ANAPC10: variants seen among roughly 807,000 people sequenced by gnomAD.
ANAPC10 encodes anaphase promoting complex subunit 10, also known as anaphase-promoting complex subunit 10.
A neutral mutation model predicts 22.0 loss-of-function variants in ANAPC10; 12 were observed. The ratio of observed to expected loss-of-function variants is 0.55; its 90% CI spans 0.35 to 0.88. ANAPC10 has a LOEUF of 0.88. Ranked by LOEUF, ANAPC10 falls within the 40% of genes least tolerant of loss-of-function variation. The pLI is 0.01. For missense variants in ANAPC10, 188 were observed against 220.9 expected (o/e 0.85, Z 0.94); for synonymous variants, 65 against 69.5 (o/e 0.94, Z 0.32).
chr4:145,017,215 C>A (rs930107845), intron 4 of ANAPC10, among the ~76,000 whole-genome samples: 7 of 152,042 alleles, frequency 4.6e-5, no homozygotes, highest in Admixed American at 2.0e-4. Flanking sequence ...TTTTTGCAAT[C>A]TACTCATCTG....
At chr4:145,010,840 A>C (rs1734188212) in intron 4 of ANAPC10, among the ~76,000 whole-genome samples, 1 of 152,048 alleles carries the variant, frequency 6.6e-6, no homozygotes, top group African/African-American at 2.4e-5. Context: ...TAAATAAATA[A>C]ATCGCTTGAT....
At chr4:145,028,704 T>A (rs373329577) in intron 4 of ANAPC10, among the ~76,000 whole-genome samples, 6 of 152,132 alleles carry the variant, frequency 3.9e-5, no homozygotes, top group Admixed American at 3.9e-4. Flanking sequence ...TTTAGAGAGT[T>A]ATGCAAAATA....
intron 3 of ANAPC10, among the ~76,000 whole-genome samples, chr4:145,067,075 G>A (rs1016066219): frequency 1.3e-5 from 2 of 152,064 alleles, no homozygotes; most frequent in African/African-American, 4.8e-5. Context: ...ATTTGCATAG[G>A]AAACTGTGAC....
chr4:145,078,273 CA>C (rs1172520879), intron 3 of ANAPC10, among the ~76,000 whole-genome samples: 2 of 150,902 alleles, frequency 1.3e-5, no homozygotes, highest in African/African-American at 4.9e-5. Context: ...CCACTCAAAA[CA>C]GCCACAAAAA....
intron 1 of ANAPC10, chr4:145,097,667 T>A: frequency 1.8e-6 from 1 of 549,056 alleles, no homozygotes; most frequent in Non-Finnish European, 3.1e-6. Context: ...TAGGTTCAGT[T>A]ATGAACTAGT....
intron 1 of ANAPC10, chr4:145,097,223 A>C (rs750870702): frequency 9.2e-6 from 3 of 327,500 alleles, no homozygotes; most frequent in Admixed American, 4.2e-5. Flanking sequence ...AAATAAGAAA[A>C]AAATGTTAAA....
chr4:145,006,360 C>T (rs570185652), intron 4 of ANAPC10, among the ~76,000 whole-genome samples: 1 of 152,046 alleles, frequency 6.6e-6, no homozygotes, highest in South Asian at 2.1e-4. Flanking sequence ...TGGGCAGATC[C>T]CTTTACCTTC....
At chr4:145,020,784 A>G (rs923118920) in intron 4 of ANAPC10, among the ~76,000 whole-genome samples, 3 of 152,012 alleles carry the variant, frequency 2.0e-5, no homozygotes, top group Admixed American at 1.3e-4. Context: ...CCATACACCA[A>G]CAGCAACCAA....
chr4:145,029,663 C>T (rs1462099360), intron 4 of ANAPC10, among the ~76,000 whole-genome samples: 1 of 152,058 alleles, frequency 6.6e-6, no homozygotes, highest in African/African-American at 2.4e-5. Context: ...AGGTTATTTC[C>T]TTGGTTAGCT....
intron 4 of ANAPC10, among the ~76,000 whole-genome samples, chr4:145,060,302 C>G (rs890609968): frequency 6.6e-6 from 1 of 151,830 alleles, no homozygotes; most frequent in Non-Finnish European, 1.5e-5. Context: ...AATTTAAGTC[C>G]TCAGGTATAG....
intron 4 of ANAPC10, among the ~76,000 whole-genome samples, chr4:145,009,694 TG>T (rs1733988680): frequency 6.6e-6 from 1 of 152,176 alleles, no homozygotes; most frequent in African/African-American, 2.4e-5. Context: ...AAGACTTAAA[TG>T]TTAGACCTAA....
At position 145,020,326 on chromosome 4, in the gene ANAPC10, C is replaced by T. The variant is rs868244689; in HGVS notation, c.328-24723G>A. On this transcript the variant is annotated intron_variant, in intron 4 of 4. Transcript: ENST00000507656. ...ATACACCACATAAACAGAATGAAAA[C>T]AAAAATCACATGATCATCTCACCAG... Among the ~76,000 whole-genome samples, 6 of 152,118 alleles carry T rather than the reference C, an allele frequency of 3.9e-5. 1 individual carries two copies. The highest frequency in any genetic ancestry group is 7.2e-5 in the African/African-American group (3 of 41,540).
intron 3 of ANAPC10, among the ~76,000 whole-genome samples, chr4:145,073,468 T>A (rs924553994): frequency 6.6e-6 from 1 of 152,140 alleles, no homozygotes; most frequent in African/African-American, 2.4e-5. Context: ...ACAGTGTAAT[T>A]TGGGGAGGAG....
chr4:144,995,869 ACT>A (rs1422879827), intron 4 of ANAPC10, among the ~76,000 whole-genome samples: 3 of 152,176 alleles, frequency 2.0e-5, no homozygotes, highest in Non-Finnish European at 2.9e-5. Context: ...TACAACTTGT[ACT>A]CTCTGCCAGA....
intron 4 of ANAPC10, among the ~76,000 whole-genome samples, chr4:145,042,061 T>C (rs945067045): frequency 6.6e-6 from 1 of 152,210 alleles, no homozygotes; most frequent in African/African-American, 2.4e-5. Flanking sequence ...TTACCAAATT[T>C]TAACCTTAAG....
chr4:145,096,500 C>T (rs1252687634), intron 1 of ANAPC10, among the ~76,000 whole-genome samples: 2 of 152,132 alleles, frequency 1.3e-5, no homozygotes, highest in African/African-American at 4.8e-5. Flanking sequence ...AAAGTTTTGG[C>T]TTCAGTATCT....
intron 3 of ANAPC10, among the ~76,000 whole-genome samples, chr4:145,068,183 A>C (rs1482879492): frequency 1.3e-5 from 2 of 152,226 alleles, no homozygotes; most frequent in Non-Finnish European, 2.9e-5. Context: ...CACCTTGTAG[A>C]AAACACCATT....
intron 2 of ANAPC10, among the ~76,000 whole-genome samples, chr4:145,095,591 C>T (rs1236846316): frequency 6.6e-6 from 1 of 152,158 alleles, no homozygotes; most frequent in Non-Finnish European, 1.5e-5. Flanking sequence ...TACATCACAA[C>T]ACCTACATTC....
chr4:145,009,188 C>A (rs1007834323), intron 4 of ANAPC10, among the ~76,000 whole-genome samples: 4 of 152,060 alleles, frequency 2.6e-5, no homozygotes, highest in Non-Finnish European at 5.9e-5. Flanking sequence ...AAAGAGGACA[C>A]AAACAAATGG....
Sources: gnomAD v4.1 joint callset for allele counts (sites outside exome capture counted in the v4.1 genomes callset) on GRCh38, gnomAD v4.1.1 for gene constraint, MANE v1.5 for transcripts, NCBI Gene and HGNC (gene_info 2026-07-23, HGNC 2026-07-21) for gene names.